Variants in NBEA observed in about 807,000 individuals in gnomAD.
NBEA encodes the protein neurobeachin, also known as lysosomal-trafficking regulator 2.
NBEA carries 44 observed loss-of-function variants against 343.4 expected under a neutral mutation model. The observed-to-expected ratio is 0.13, with a 90% CI of 0.10 to 0.16. The LOEUF (loss-of-function observed/expected upper bound fraction) is 0.16. Ranked by LOEUF, NBEA falls within the 10% of genes least tolerant of loss-of-function variation. NBEA has a pLI of 1.00. For synonymous variants in NBEA, 1,175 were observed against 1,238.7 expected (o/e 0.95, Z 1.08); for missense variants, 2,555 against 3,631.3 (o/e 0.70, Z 7.62).
At chr13:35,615,389 G>A (rs1017872940) in intron 48 of NBEA, among the ~76,000 whole-genome samples, 11 of 151,866 alleles carry the variant, frequency 7.2e-5, no homozygotes, top group African/African-American at 2.4e-4. Context: ...TGTTGCCCTG[G>A]CTGGAGTGCA....
At chr13:35,112,665 C>T (rs911727617) in intron 13 of NBEA, among the ~76,000 whole-genome samples, 1 of 152,164 alleles carries the variant, frequency 6.6e-6, no homozygotes, top group African/African-American at 2.4e-5. Context: ...GCAAGCATTG[C>T]ACAAAGAATT....
intron 38 of NBEA, among the ~76,000 whole-genome samples, chr13:35,418,672 A>T (rs2044095176): frequency 6.6e-6 from 1 of 152,102 alleles, no homozygotes; most frequent in Non-Finnish European, 1.5e-5. Flanking sequence ...GTAACCTGGC[A>T]CAGATGCCAA....
chr13:35,301,601 G>C (rs2036553256), intron 35 of NBEA, among the ~76,000 whole-genome samples: 1 of 152,056 alleles, frequency 6.6e-6, no homozygotes, highest in South Asian at 2.1e-4. Context: ...ATGGGCATTT[G>C]GGTTGGTTCC....
chr13:35,159,975 C>A lies in NBEA; in HGVS notation c.3804C>A (p.Asp1268Glu). The A allele has an allele frequency of 6.3e-7, 1 of 1,593,664 alleles. No homozygotes were observed. Residue 1268 changes from aspartate (D) to glutamate (E), a missense_variant, in exon 22 of 59, where the codon GAC becomes GAA. Physicochemically the swap from Asp to Glu is conservative, Grantham distance 45 (BLOSUM62 2). This residue lies in a region of NBEA where 367 missense variants were observed against 377.5 expected (regional missense o/e 0.97). Coordinates refer to ENST00000379939, the MANE Select transcript of NBEA (RefSeq NM_001385012.1). ...TAATTTCAGATACTGAAAGGTCTGACGATGGCAAAGAATCAGGAAAAGAAA... is the reference window on the plus strand; with the variant it reads ...TAATTTCAGATACTGAAAGGTCTGAAGATGGCAAAGAATCAGGAAAAGAAA... ...GSIISDTERS[D>E]DGKESGKEIR... is the part of the protein sequence containing the mutation.
chr13:35,417,804 C>T (rs552525648), intron 38 of NBEA, among the ~76,000 whole-genome samples: 3 of 152,158 alleles, frequency 2.0e-5, no homozygotes, highest in East Asian at 1.9e-4. Flanking sequence ...AACTTTCTGT[C>T]GCGTTGATCT....
chr13:35,229,774 G>A (rs568857611), intron 33 of NBEA, among the ~76,000 whole-genome samples: 1 of 152,180 alleles, frequency 6.6e-6, no homozygotes, highest in South Asian at 2.1e-4. Context: ...TGAAGTTTAT[G>A]TTTGTACCAT....
intron 35 of NBEA, among the ~76,000 whole-genome samples, chr13:35,296,682 T>C (rs2036154350): frequency 6.6e-6 from 1 of 152,074 alleles, no homozygotes. Flanking sequence ...TTTATTTTCC[T>C]GTGTCTACAT....
At chr13:35,605,890 A>G (rs571884290) in intron 47 of NBEA, among the ~76,000 whole-genome samples, 21 of 152,190 alleles carry the variant, frequency 1.4e-4, no homozygotes, top group African/African-American at 4.6e-4. Flanking sequence ...GTGTTCAGTG[A>G]TTGATATAAA....
At chr13:35,349,819 GGTTTTTAT>G (rs1233997930) in intron 37 of NBEA, among the ~76,000 whole-genome samples, 1 of 152,046 alleles carries the variant, frequency 6.6e-6, no homozygotes, top group Admixed American at 6.6e-5. Context: ...GTTTTGATGA[GGTTTTTAT>G]CTCAGTAAAG....
At chr13:35,318,543 G>T (rs1473166512) in intron 36 of NBEA, among the ~76,000 whole-genome samples, 3 of 152,282 alleles carry the variant, frequency 2.0e-5, no homozygotes, top group African/African-American at 7.2e-5. Flanking sequence ...GTTCATCAGG[G>T]ATATTGGCCT....
intron 41 of NBEA, among the ~76,000 whole-genome samples, chr13:35,483,437 T>C (rs1210980415): frequency 6.6e-6 from 1 of 152,020 alleles, no homozygotes; most frequent in Non-Finnish European, 1.5e-5. Context: ...CTAAAGAGTT[T>C]ATTAGATCTA....
intron 58 of NBEA, among the ~76,000 whole-genome samples, 175 bp downstream of exon 58, chr13:35,668,694 G>A (rs1389723550): frequency 1.3e-5 from 2 of 152,194 alleles, no homozygotes; most frequent in Non-Finnish European, 2.9e-5. Flanking sequence ...GAGGGAAACA[G>A]AGGAAGAGAA....
intron 10 of NBEA, among the ~76,000 whole-genome samples, chr13:35,073,536 A>G (rs1262658434): frequency 6.6e-6 from 1 of 152,170 alleles, no homozygotes; most frequent in Non-Finnish European, 1.5e-5. Context: ...ACTAAGTAGT[A>G]CCTTTTAATG....
At chr13:35,621,843 TTAGA>T (rs1227273214) in intron 48 of NBEA, among the ~76,000 whole-genome samples, 2 of 152,210 alleles carry the variant, frequency 1.3e-5, no homozygotes, top group South Asian at 2.1e-4. Context: ...AAGATAAGAA[TTAGA>T]TAAAGTCCCT....
At chr13:35,574,388 AAG>A (rs1179537339) in intron 45 of NBEA, among the ~76,000 whole-genome samples, 1 of 123,560 alleles carries the variant, frequency 8.1e-6, no homozygotes, top group African/African-American at 3.5e-5. Flanking sequence ...ATCAAAAAAA[AAG>A]AAAAACAAAA....
chr13:35,366,010 C>CTGTATT (rs1298517751), intron 38 of NBEA, among the ~76,000 whole-genome samples: 1 of 151,496 alleles, frequency 6.6e-6, no homozygotes, highest in African/African-American at 2.4e-5. Context: ...CCCTAGAGTG[C>CTGTATT]TGTATTTTGA....
chr13:35,395,985 T>C (rs1359553875), intron 38 of NBEA, among the ~76,000 whole-genome samples: 1 of 152,204 alleles, frequency 6.6e-6, no homozygotes, highest in Non-Finnish European at 1.5e-5. Flanking sequence ...ATTTATATGC[T>C]TTTCTATTCA....
intron 42 of NBEA, 26 bp downstream of exon 42, chr13:35,550,620 A>C (rs1430194615): frequency 1.4e-6 from 2 of 1,397,692 alleles, no homozygotes; most frequent in African/African-American, 2.8e-5. Flanking sequence ...ATTTTGAAAG[A>C]AAATGTGCTC....
At position 35,208,776 on chromosome 13, in the gene NBEA, A is replaced by G; in HGVS notation, c.5443A>G (p.Ser1815Gly). The change falls in exon 32 of 59, where the codon AGT becomes GGT. Residue 1815 changes from serine (S) to glycine (G), a missense_variant. This residue lies in a region of NBEA where 270 missense variants were observed against 293.3 expected (regional missense o/e 0.92). Transcript: ENST00000379939. Reference protein sequence around the residue: ...VTTVGATTAGSGLPTGSTSNI... With the variant: ...VTTVGATTAGGGLPTGSTSNI... ...CACTGTGGGAGCCACTACTGCTGGAAGTGGGCTGCCAACAGGCAGTACCTC... is the reference window on the plus strand; with the variant it reads ...CACTGTGGGAGCCACTACTGCTGGAGGTGGGCTGCCAACAGGCAGTACCTC... 1 of 1,611,578 alleles carries G rather than the reference A, an allele frequency of 6.2e-7. No homozygotes were observed. Among genetic ancestry groups the G allele is most frequent in the Non-Finnish European group, 8.5e-7 (1 of 1,178,536 alleles).
Sources: allele counts gnomAD v4.1 joint callset (sites outside exome capture counted in the v4.1 genomes callset), GRCh38; gene constraint gnomAD v4.1.1; regional missense constraint gnomAD v4.1.1; transcripts MANE v1.5; gene names NCBI Gene and HGNC (gene_info 2026-07-23, HGNC 2026-07-21).